SCN1A: variants seen among roughly 807,000 people sequenced by gnomAD.
The protein encoded by SCN1A is sodium voltage-gated channel alpha subunit 1.
In SCN1A, 13 loss-of-function variants were observed where a neutral mutation model predicts 193.7. The observed-to-expected ratio is 0.07, with a 90% CI of 0.04 to 0.11. The LOEUF is 0.11. Ranked by LOEUF, SCN1A falls within the 10% of genes least tolerant of loss-of-function variation. The pLI is 1.00. For synonymous variants in SCN1A, 781 were observed against 843.6 expected (o/e 0.93, Z 1.29); for missense variants, 1,432 against 2,451.1 (o/e 0.58, Z 8.78).
intron 1 of SCN1A, among the ~76,000 whole-genome samples, chr2:166,144,248 C>T (rs1319823685): frequency 1.3e-5 from 2 of 152,166 alleles, no homozygotes; most frequent in African/African-American, 2.4e-5. Flanking sequence ...ATATGTCAAG[C>T]ACTGGAGGGT....
intron 2 of SCN1A, chr2:166,126,303 C>T (rs1381992123): frequency 6.6e-6 from 1 of 152,132 alleles, no homozygotes. Context: ...TTTGTAATTG[C>T]TTCATTGCAA....
rs752067973 is a variant in SCN1A at position 166,041,324 on chromosome 2, G to T, written c.2322C>A (p.Ile774=). Residue 774 remains isoleucine, a synonymous_variant, in exon 16 of 29, where the codon ATC becomes ATA. Coordinates refer to ENST00000674923, the MANE Select transcript of SCN1A (RefSeq NM_001165963.4). The part of the protein sequence containing the change: ...VVMDPFVDLA[I]TICIVLNTLF... ...GAGTATTTAAGACAATACAGATGGT[G>T]ATGGCCAGGTCAACAAATGGGTCCA... 6.2e-7 allele frequency: 1 copy of T among 1,613,952 alleles called. No homozygotes were observed. The highest frequency in any genetic ancestry group is 1.7e-5 in the Admixed American group (1 of 60,016).
chr2:166,051,560 T>C (rs1282411162), intron 9 of SCN1A, among the ~76,000 whole-genome samples, 159 bp downstream of exon 9: 1 of 152,032 alleles, frequency 6.6e-6, no homozygotes, highest in Non-Finnish European at 1.5e-5. Flanking sequence ...GGTAGGTGTT[T>C]CTATATATGG....
chr2:166,132,422 A>G (rs1028467267), upstream of SCN1A, among the ~76,000 whole-genome samples: 5 of 151,910 alleles, frequency 3.3e-5, no homozygotes, highest in African/African-American at 4.8e-5. Context: ...GCAAAAATCT[A>G]CTACCAATTC....
chr2:166,047,374 G>T (rs1574237913), intron 11 of SCN1A, among the ~76,000 whole-genome samples: 1 of 152,200 alleles, frequency 6.6e-6, no homozygotes, highest in South Asian at 2.1e-4. Flanking sequence ...GGGAGAATGT[G>T]CCTTCTGTTT....
intron 4 of SCN1A, among the ~76,000 whole-genome samples, chr2:166,072,625 A>G (rs1684544393): frequency 6.6e-6 from 1 of 152,116 alleles, no homozygotes; most frequent in South Asian, 2.1e-4. Context: ...TGTGGCATCA[A>G]ATTTGTTTGC....
intron 2 of SCN1A, among the ~76,000 whole-genome samples, chr2:166,118,427 A>C (rs1013120807): frequency 2.8e-5 from 4 of 144,240 alleles, no homozygotes; most frequent in African/African-American, 5.1e-5. Context: ...TTCCAAAGGC[A>C]CTCTTGCCTT....
chr2:166,073,187 T>C, intron 4 of SCN1A, 171 bp downstream of exon 4: 1 of 730,478 alleles, frequency 1.4e-6, no homozygotes, highest in South Asian at 1.9e-5. Context: ...TGTTATGATA[T>C]AATCAATTCA....
rs138487819 is a variant in SCN1A at position 166,079,415 on chromosome 2, A to C, written c.-141-1614T>G. Among the ~76,000 whole-genome samples, 339 of 143,210 alleles carry C rather than the reference A, an allele frequency of 2.4e-3. 2 individuals carry two copies. The highest frequency in any genetic ancestry group is 3.6e-3 in the Non-Finnish European group (237 of 65,020). The allele number at this position is 143,210 out of a possible 152,430, so 94.0% of individuals were successfully genotyped here. ...TGTCTCATAGCATATAATGACTTTA[A>C]TTTCTACTTATTTGCACTTATCTAG... On this transcript the variant is annotated intron_variant, in intron 2 of 28. Coordinates refer to ENST00000674923, the MANE Select transcript of SCN1A (RefSeq NM_001165963.4).
At chr2:166,042,808 A>G (rs1264388277) in intron 14 of SCN1A, among the ~76,000 whole-genome samples, 4 of 152,188 alleles carry the variant, frequency 2.6e-5, no homozygotes, top group African/African-American at 9.7e-5. Flanking sequence ...GAAGGTAGCT[A>G]TTTAATTTTA....
At chr2:166,064,894 C>T (rs1683678733) in intron 4 of SCN1A, among the ~76,000 whole-genome samples, 1 of 152,128 alleles carries the variant, frequency 6.6e-6, no homozygotes, top group East Asian at 1.9e-4. Context: ...ATGAACAATA[C>T]ACAAAATGTA....
chr2:166,138,507 C>T (rs1691952435), intron 1 of SCN1A, among the ~76,000 whole-genome samples: 1 of 152,234 alleles, frequency 6.6e-6, no homozygotes, highest in Non-Finnish European at 1.5e-5. Flanking sequence ...GGGTGCAAGC[C>T]TCAAGCCTTG....
At chr2:166,147,864 A>G (rs559036696) in intron 1 of SCN1A, among the ~76,000 whole-genome samples, 7 of 152,216 alleles carry the variant, frequency 4.6e-5, no homozygotes, top group Non-Finnish European at 1.0e-4. Context: ...AATTTATTTT[A>G]CGATCACTCA....
At chr2:166,087,165 GAA>G (rs535216262) in intron 2 of SCN1A, among the ~76,000 whole-genome samples, 33 of 124,616 alleles carry the variant, frequency 2.6e-4, no homozygotes, top group African/African-American at 7.7e-4. Context: ...AGAACTGGTT[GAA>G]AAAAAAAAAA....
Position 166,045,095 on chromosome 2 carries a change from G to A in SCN1A, c.1610C>T (p.Ser537Phe), listed in dbSNP as rs1213769949. 1 of 1,614,132 alleles carries A rather than the reference G, an allele frequency of 6.2e-7. No homozygotes were observed. Residue 537 changes from serine to phenylalanine, a missense_variant, in exon 13 of 29, where the codon TCC becomes TTC. By Grantham distance (155) the Ser-to-Phe change is radical (BLOSUM62 -2). Around this residue, in one of 18 missense-constraint regions of SCN1A, gnomAD observed 316 missense variants for 362.1 expected, o/e 0.87. Transcript: ENST00000674923. ...DSIRRKGFRF[S>F]IEGNRLTYEK... ...ATATGTCAATCGGTTCCCTTCAATG[G>A]AGAAGCGAAAACCTTTCCTCCTGAT...
intron 23 of SCN1A, among the ~76,000 whole-genome samples, chr2:166,004,488 G>T (rs554034573): frequency 2.6e-5 from 4 of 151,216 alleles, no homozygotes; most frequent in Non-Finnish European, 5.9e-5. Flanking sequence ...TCACCACCTA[G>T]AACTGCCCTC....
In SCN1A at chr2:166,036,277, G is replaced by A; in HGVS notation, c.3200C>T (p.Ala1067Val). 2 of 1,613,786 alleles carry A rather than the reference G, an allele frequency of 1.2e-6. No homozygotes were observed. The highest frequency in any genetic ancestry group is 4.5e-5 in the East Asian group (2 of 44,830). ...KKDSCMSNHT[A>V]EIGKDLDYLK... ...ATAGTCAAGATCTTTCCCAATTTCTGCTGTATGATTGGACATACAACTGTC... is the reference window on the plus strand; with the variant it reads ...ATAGTCAAGATCTTTCCCAATTTCTACTGTATGATTGGACATACAACTGTC... Residue 1067 changes from alanine (A) to valine (V), a missense_variant, in exon 19 of 29, where the codon GCA (alanine) becomes GTA (valine). By Grantham distance (64) the Ala-to-Val change is moderately conservative. This residue lies in a region of SCN1A where 198 missense variants were observed against 225.8 expected (regional missense o/e 0.88). Transcript: ENST00000674923.
At chr2:166,027,134 G>A (rs1260755963) in intron 19 of SCN1A, 2 of 152,148 alleles carry the variant, frequency 1.3e-5, no homozygotes, top group Non-Finnish European at 2.9e-5. Context: ...TAATATGTGA[G>A]CTGACAGAAT....
intron 19 of SCN1A, among the ~76,000 whole-genome samples, chr2:166,025,169 A>T (rs555609202): frequency 2.0e-5 from 3 of 152,284 alleles, no homozygotes; most frequent in African/African-American, 7.2e-5. Context: ...GCCTAGTTGG[A>T]TTCTCTGCTC....
Sources: gnomAD v4.1 joint callset for allele counts (sites outside exome capture counted in the v4.1 genomes callset) on GRCh38, gnomAD v4.1.1 for gene constraint, gnomAD v4.1.1 regional missense constraint, MANE v1.5 for transcripts, NCBI Gene and HGNC (gene_info 2026-07-23, HGNC 2026-07-21) for gene names.